HERC6: variants seen among roughly 807,000 people sequenced by gnomAD.
HERC6 encodes HECT and RLD domain containing E3 ubiquitin protein ligase family member 6, also known as probable E3 ubiquitin-protein ligase HERC6.
In HERC6, 101 loss-of-function variants were observed where a neutral mutation model predicts 114.5. The observed-to-expected ratio is 0.88, with a 90% CI of 0.75 to 1.04. HERC6 has a LOEUF of 1.04. Among genes scored for constraint, HERC6 ranks in the 50% least tolerant of loss-of-function variants. HERC6 has a pLI of 0.00. For synonymous variants in HERC6, 408 were observed against 436.2 expected, an observed-to-expected ratio of 0.94 and a Z score of 0.81; for missense variants, 1,133 against 1,230.9, an observed-to-expected ratio of 0.92 and a Z score of 1.19.
At chr4:88,411,712 T>C (rs577394245) in intron 11 of HERC6, among the ~76,000 whole-genome samples, 113 of 152,310 alleles carry the variant, frequency 7.4e-4, no homozygotes, top group African/African-American at 2.6e-3. Context: ...CAACAAGGGT[T>C]GGAGGTCAGA....
chr4:88,436,764 G>C (rs1200916816), intron 18 of HERC6, 141 bp from the exon 19 acceptor site: 1 of 534,324 alleles, frequency 1.9e-6, no homozygotes, highest in East Asian at 3.3e-5. Flanking sequence ...TCTAGGGAAA[G>C]GGAATGAGAA....
intron 22 of HERC6, chr4:88,440,773 TC>T (rs1739268355): frequency 6.6e-6 from 1 of 152,242 alleles, no homozygotes; most frequent in Admixed American, 6.5e-5. Flanking sequence ...CTGCTGGCAT[TC>T]CCCCGTGCTA....
chr4:88,388,169 A>G (rs902930229), intron 3 of HERC6, among the ~76,000 whole-genome samples: 10 of 152,120 alleles, frequency 6.6e-5, no homozygotes, highest in African/African-American at 2.4e-4. Flanking sequence ...GCGGTGGCTC[A>G]CGCCTGTAAT....
intron 3 of HERC6, among the ~76,000 whole-genome samples, chr4:88,387,217 T>C (rs2110234546): frequency 6.6e-6 from 1 of 152,190 alleles, no homozygotes; most frequent in Non-Finnish European, 1.5e-5. Flanking sequence ...GCCAACATAG[T>C]GAGATCCTGT....
At chr4:88,421,638 G>A (rs1465073865) in intron 13 of HERC6, among the ~76,000 whole-genome samples, 1 of 151,908 alleles carries the variant, frequency 6.6e-6, no homozygotes, top group Non-Finnish European at 1.5e-5. Context: ...TAGAGACTGG[G>A]TTTTACCATG....
At chr4:88,439,199 C>T (rs867247974) in intron 20 of HERC6, among the ~76,000 whole-genome samples, 4 of 151,972 alleles carry the variant, frequency 2.6e-5, no homozygotes, top group Admixed American at 6.6e-5. Context: ...GACCTATGAA[C>T]GGGGCCAGAA....
Position 88,437,819 on chromosome 4 carries a change from C to T in HERC6, c.2555+38C>T, listed in dbSNP as rs1485916106. On this transcript the variant is annotated intron_variant, in intron 20 of 22. Transcript: ENST00000264346. Reference sequence around the variant, plus strand: ...AGCTAGAATATCTGTTTTGAATATACTGTACATAAAATGTTGTATCACTAT... The same window carrying T: ...AGCTAGAATATCTGTTTTGAATATATTGTACATAAAATGTTGTATCACTAT... The T allele has an allele frequency of 1.3e-5, 17 of 1,298,568 alleles. No individual in the cohort carries two copies. In the Admixed American group the frequency reaches 3.0e-4, roughly 23 times the overall value. The allele number at this position is 1,298,568 out of a possible 1,614,324, so 80.4% of individuals were successfully genotyped here. A position where few individuals can be genotyped will look rare whatever the true frequency, so the allele number is the denominator to read the frequency against.
rs775037327 is a variant in HERC6, at chr4:88,379,003, G to T, written c.82G>T (p.Ala28Ser). The T allele has an allele frequency of 1.3e-6, 2 of 1,575,726 alleles. No individual in the cohort carries two copies. Among genetic ancestry groups the T allele is most frequent in the East Asian group, 4.7e-5 (2 of 42,558 alleles). ...CAGCCCCGGGGCTGAGCTACTGCAG[G>T]CGGCCAGCGGGGAGCGCCACTCTCT... ...AGSPGAELLQ[A>S]ASGERHSLLL... The change falls in exon 1 of 23, where the codon GCG (alanine) becomes TCG (serine). Residue 28 changes from alanine (A) to serine (S), a missense_variant. Physicochemically the swap from Ala to Ser is moderately conservative, Grantham distance 99 (BLOSUM62 1). Coordinates refer to ENST00000264346, the MANE Select transcript of HERC6 (RefSeq NM_017912.4).
intron 15 of HERC6, among the ~76,000 whole-genome samples, chr4:88,427,583 C>T (rs986936694): frequency 6.6e-6 from 1 of 152,034 alleles, no homozygotes; most frequent in Non-Finnish European, 1.5e-5. Flanking sequence ...CTAGTAATAA[C>T]AGACAAATTT....
intron 8 of HERC6, among the ~76,000 whole-genome samples, chr4:88,402,225 T>G (rs1478020247): frequency 6.6e-6 from 1 of 152,184 alleles, no homozygotes; most frequent in Non-Finnish European, 1.5e-5. Context: ...ATTTAGAAGA[T>G]GGAACAATTG....
At chr4:88,430,605 T>TAAATAAATAAAA (rs1738095635) in intron 16 of HERC6, among the ~76,000 whole-genome samples, 2 of 150,600 alleles carry the variant, frequency 1.3e-5, no homozygotes, top group African/African-American at 2.4e-5. Context: ...AATAAATAAA[T>TAAATAAATAAAA]AAATAAAAAG....
chr4:88,428,994 G>A (rs970685655), intron 16 of HERC6, among the ~76,000 whole-genome samples: 21 of 152,170 alleles, frequency 1.4e-4, no homozygotes, highest in African/African-American at 4.1e-4. Context: ...ATCCCAAAAC[G>A]TAAAGGCTCA....
In HERC6 at chr4:88,436,930, G is replaced by A. The variant is rs1304395014; in HGVS notation, c.2443G>A (p.Ala815Thr). 4 of 1,606,258 alleles carry A rather than the reference G, an allele frequency of 2.5e-6. No homozygotes were observed. Among genetic ancestry groups the A allele is most frequent in the Non-Finnish European group, 3.4e-6 (4 of 1,176,020 alleles). ...GKSLQEVLDD[A>T]ADDIGDALCI... ...GAGTTTGCAAGAAGTTCTAGATGATGCTGCTGATGACATTGGAGATGCGCT... is the reference window on the plus strand; with the variant it reads ...GAGTTTGCAAGAAGTTCTAGATGATACTGCTGATGACATTGGAGATGCGCT... The change falls in exon 19 of 23, where the codon GCT becomes ACT. Residue 815 changes from alanine (A) to threonine (T), a missense_variant. Ala to Thr is a moderately conservative substitution (Grantham distance 58). This residue lies in a region of HERC6 where 388 missense variants were observed against 445.9 expected (regional missense o/e 0.87). Coordinates refer to ENST00000264346, the MANE Select transcript of HERC6 (RefSeq NM_017912.4).
In HERC6 at chr4:88,405,672, T is replaced by C. The variant is rs148397821; in HGVS notation, c.1274+59T>C. On this transcript the variant is annotated intron_variant, in intron 10 of 22. Coordinates refer to ENST00000264346, the MANE Select transcript of HERC6 (RefSeq NM_017912.4). ...ACACTGGAAAATATTTAAAATGAAA[T>C]GTTTCAAGTAAGTTTAATTTGTGAA... 430 of 917,602 alleles carry C rather than the reference T, an allele frequency of 4.7e-4. 2 individuals are homozygous for C. The African/African-American group carries it at 6.0e-3, about 13-fold the overall frequency. The allele number at this position is 917,602 out of a possible 1,614,324, so 56.8% of individuals were successfully genotyped here.
chr4:88,378,893 C>A lies in HERC6; in HGVS notation c.-29C>A. ...CTGTCGCAGCGGGACCGACGGAATC[C>A]GGAGCAGGCGACAGGGCGCAGAAGC... On this transcript the variant is annotated 5_prime_UTR_variant, in exon 1 of 23. Transcript: ENST00000264346. The A allele has an allele frequency of 6.5e-7, 1 of 1,546,866 alleles. No individual in the cohort carries two copies. The highest frequency in any genetic ancestry group is 8.7e-7 in the Non-Finnish European group (1 of 1,146,326).
rs1021141112 is a variant in HERC6, at chr4:88,413,491, G to C, written c.1558+225G>C. 2.6e-5 allele frequency among the ~76,000 whole-genome samples: 4 copies of C among 152,234 alleles called. No individual in the cohort carries two copies. In the East Asian group the frequency reaches 7.7e-4, roughly 29 times the overall value. Reference sequence around the variant, plus strand: ...GGATGTGGCTTTGACATCAGAGTTTGGTAGCTATAAGGTATTCATTTTAGA... The same window carrying C: ...GGATGTGGCTTTGACATCAGAGTTTCGTAGCTATAAGGTATTCATTTTAGA... On this transcript the variant is annotated intron_variant, in intron 12 of 22. Transcript: ENST00000264346.
At chr4:88,397,667 C>T (rs969450207) in intron 7 of HERC6, among the ~76,000 whole-genome samples, 1 of 151,716 alleles carries the variant, frequency 6.6e-6, no homozygotes, top group African/African-American at 2.4e-5. Flanking sequence ...GCCTGGGCAA[C>T]AGGGTGAGAC....
rs781103652 is a variant in HERC6 at position 88,437,779 on chromosome 4, C to T, written c.2553C>T (p.Asn851=). 6.2e-7 allele frequency: 1 copy of T among 1,600,028 alleles called. No individual in the cohort carries two copies. Among genetic ancestry groups the T allele is most frequent in the South Asian group, 1.1e-5 (1 of 89,154 alleles). ...TCTCCATACCTGTGGACCAAACCAA[C>T]AAGTAAGTTTTGACAGCTAGAATAT... The part of the protein sequence containing the change: ...NGISIPVDQT[N]KRDYVSKYID... The change falls in exon 20 of 23, where the codon AAC becomes AAT. Residue 851 remains asparagine, a splice_region_variant and synonymous_variant. Transcript: ENST00000264346.
At chr4:88,412,298 C>T (rs190896813) in intron 11 of HERC6, among the ~76,000 whole-genome samples, 105 of 152,266 alleles carry the variant, frequency 6.9e-4, no homozygotes, top group Non-Finnish European at 1.3e-3. Context: ...TTTTTATATA[C>T]GTCCTATTTT....
Sources: allele counts gnomAD v4.1 joint callset (sites outside exome capture counted in the v4.1 genomes callset), GRCh38; gene constraint gnomAD v4.1.1; regional missense constraint gnomAD v4.1.1; transcripts MANE v1.5; gene names NCBI Gene and HGNC (gene_info 2026-07-23, HGNC 2026-07-21).